RIC1: variants seen among roughly 807,000 people sequenced by gnomAD.
The protein encoded by RIC1 is RIC1 partner of RAB6A GEF complex.
RIC1 carries 88 observed loss-of-function variants against 169.0 expected under a neutral mutation model. The ratio of observed to expected loss-of-function variants is 0.52; its 90% CI spans 0.44 to 0.62. The LOEUF (loss-of-function observed/expected upper bound fraction) is 0.62, where lower values mean the gene tolerates loss of function less well. RIC1 is among the 20% of genes least tolerant of loss of function. The pLI is 0.00. For missense variants in RIC1, 1,877 were observed against 1,725.5 expected (o/e 1.09, Z -1.56); for synonymous variants, 790 against 601.5 (o/e 1.31, Z -4.59).
In RIC1 at chr9:5,775,150, C is replaced by G. The variant is rs1323738253; in HGVS notation, c.*904C>G. 6.6e-6 allele frequency: 1 copy of G among 152,166 alleles called. No individual in the cohort carries two copies. Among genetic ancestry groups the G allele is most frequent in the Non-Finnish European group, 1.5e-5 (1 of 68,036 alleles). 9.4% of individuals were successfully genotyped at this position (152,166 alleles called of 1,614,324 possible). On this transcript the variant is annotated 3_prime_UTR_variant, in exon 26 of 26. Coordinates refer to ENST00000414202, the MANE Select transcript of RIC1 (RefSeq NM_020829.4). ...TCATGAAGTAACAGAAATGGTCACACTGATCATGAAATGCAGCAAGTTTTG... is the reference window on the plus strand; with the variant it reads ...TCATGAAGTAACAGAAATGGTCACAGTGATCATGAAATGCAGCAAGTTTTG...
At chr9:5,756,175 T>C (rs1826001448) in intron 15 of RIC1, 37 bp from the exon 16 acceptor site, 1 of 1,403,930 alleles carries the variant, frequency 7.1e-7, no homozygotes, top group East Asian at 2.5e-5. Context: ...AGTAGTTATC[T>C]TGTTTTTATA....
At chr9:5,707,839 G>C (rs1449713085) in intron 3 of RIC1, among the ~76,000 whole-genome samples, 1 of 152,028 alleles carries the variant, frequency 6.6e-6, no homozygotes, top group Non-Finnish European at 1.5e-5. Flanking sequence ...GATAATGCTT[G>C]CCTTTTAATG....
chr9:5,683,756 G>A (rs1201432615), intron 2 of RIC1, among the ~76,000 whole-genome samples: 1 of 152,182 alleles, frequency 6.6e-6, no homozygotes, highest in Non-Finnish European at 1.5e-5. Flanking sequence ...GGAGACTGCT[G>A]AGGAAGGCGG....
intron 1 of RIC1, among the ~76,000 whole-genome samples, chr9:5,642,747 A>G (rs73390680): frequency 0.029 from 3,415 of 117,580 alleles, 815 homozygotes; most frequent in African/African-American, 0.16. Context: ...AATCATTAAC[A>G]TAATCCATAT....
At chr9:5,760,996 A>G (rs758083828) in intron 17 of RIC1, among the ~76,000 whole-genome samples, 1 of 143,530 alleles carries the variant, frequency 7.0e-6, no homozygotes, top group Non-Finnish European at 1.5e-5. Context: ...GTGCTTCCCT[A>G]TTTCTCTTTT....
intron 4 of RIC1, chr9:5,719,370 A>T (rs762275415): frequency 5.3e-5 from 8 of 152,236 alleles, no homozygotes; most frequent in Admixed American, 2.6e-4. Context: ...TAAATGCTGA[A>T]TATCTTCATA....
intron 2 of RIC1, among the ~76,000 whole-genome samples, chr9:5,673,259 G>A (rs1820217917): frequency 6.6e-6 from 1 of 151,894 alleles, no homozygotes; most frequent in Non-Finnish European, 1.5e-5. Flanking sequence ...AAGGCAACTT[G>A]CAGAAGGAGA....
intron 3 of RIC1, among the ~76,000 whole-genome samples, chr9:5,710,773 CGG>C (rs1323525255): frequency 4.6e-5 from 7 of 152,024 alleles, no homozygotes; most frequent in African/African-American, 1.2e-4. Flanking sequence ...TTTAAGAAAA[CGG>C]GGGGAGTGGA....
intron 3 of RIC1, among the ~76,000 whole-genome samples, chr9:5,691,421 A>G (rs16923371): frequency 0.014 from 2,095 of 152,102 alleles, 55 homozygotes; most frequent in African/African-American, 0.047. Flanking sequence ...TGTAACAAGT[A>G]TAGTGCTAAC....
intron 1 of RIC1, among the ~76,000 whole-genome samples, chr9:5,641,412 G>A (rs1818240259): frequency 6.6e-6 from 1 of 151,902 alleles, no homozygotes; most frequent in Admixed American, 6.6e-5. Flanking sequence ...CTCTTCTTTA[G>A]GTTAAATCTG....
At chr9:5,754,509 A>G (rs1415640116) in intron 14 of RIC1, among the ~76,000 whole-genome samples, 1 of 152,174 alleles carries the variant, frequency 6.6e-6, no homozygotes, top group Non-Finnish European at 1.5e-5. Context: ...CAGGCGGATC[A>G]CTTGAGGCTG....
At chr9:5,690,900 C>G (rs1424894287) in intron 3 of RIC1, among the ~76,000 whole-genome samples, 2 of 151,566 alleles carry the variant, frequency 1.3e-5, no homozygotes, top group East Asian at 1.9e-4. Flanking sequence ...CTAACAAACT[C>G]AAGAGAAAGT....
At chr9:5,679,620 C>T (rs1031973403) in intron 2 of RIC1, among the ~76,000 whole-genome samples, 1 of 152,102 alleles carries the variant, frequency 6.6e-6, no homozygotes, top group Admixed American at 6.6e-5. Context: ...TGGGAGTTCA[C>T]TCATGATTTG....
At chr9:5,766,342 A>G (rs1826750492) in intron 21 of RIC1, among the ~76,000 whole-genome samples, 2 of 152,120 alleles carry the variant, frequency 1.3e-5, no homozygotes, top group South Asian at 4.1e-4. Flanking sequence ...TACCTGGCCA[A>G]ATGCTACAAA....
At chr9:5,739,689 A>C (rs1438385616) in intron 8 of RIC1, among the ~76,000 whole-genome samples, 3 of 152,108 alleles carry the variant, frequency 2.0e-5, no homozygotes, top group Non-Finnish European at 4.4e-5. Flanking sequence ...TCCTCAGACA[A>C]AGGTGGAAGG....
intron 1 of RIC1, among the ~76,000 whole-genome samples, chr9:5,633,110 G>C (rs1817797909): frequency 6.6e-6 from 1 of 152,044 alleles, no homozygotes; most frequent in Non-Finnish European, 1.5e-5. Context: ...ATAATTACTA[G>C]GCTTATAAAA....
At chr9:5,717,421 T>C (rs1160816537) in intron 4 of RIC1, among the ~76,000 whole-genome samples, 2 of 152,154 alleles carry the variant, frequency 1.3e-5, no homozygotes, top group East Asian at 1.9e-4. Context: ...CTCTGCTAAA[T>C]TGCCTCTCTT....
intron 2 of RIC1, among the ~76,000 whole-genome samples, chr9:5,661,575 T>G (rs1167315122): frequency 6.6e-6 from 1 of 152,182 alleles, no homozygotes. Context: ...TATTGCTAGG[T>G]ATTTTATTCA....
At chr9:5,654,321 A>T (rs1455087713) in intron 1 of RIC1, among the ~76,000 whole-genome samples, 1 of 152,008 alleles carries the variant, frequency 6.6e-6, no homozygotes, top group Non-Finnish European at 1.5e-5. Flanking sequence ...GTCTTGACTC[A>T]CTGCAGCCTC....
Sources: gnomAD v4.1 joint callset for allele counts (sites outside exome capture counted in the v4.1 genomes callset) on GRCh38, gnomAD v4.1.1 for gene constraint, MANE v1.5 for transcripts, NCBI Gene and HGNC (gene_info 2026-07-23, HGNC 2026-07-21) for gene names.